CTXN2: variants seen among roughly 807,000 people sequenced by gnomAD.
CTXN2 encodes cortexin 2.
A neutral mutation model predicts 5.7 loss-of-function variants in CTXN2; 3 were observed. That is an observed-to-expected ratio of 0.53 (90% CI 0.24 to 1.36). The LOEUF is 1.36. Ranked by LOEUF, CTXN2 falls within the 40% of genes most tolerant of loss-of-function variation. The pLI, the probability that CTXN2 is intolerant of heterozygous loss-of-function variation, is 0.17. For synonymous variants in CTXN2, 38 were observed against 36.4 expected, an observed-to-expected ratio of 1.04 and a Z score of -0.16; for missense variants, 87 against 93.0, an observed-to-expected ratio of 0.94 and a Z score of 0.26.
chr15:48,188,065 C>T (rs1312806660), upstream of CTXN2, among the ~76,000 whole-genome samples: 1 of 151,934 alleles, frequency 6.6e-6, no homozygotes, highest in Non-Finnish European at 1.5e-5. Context: ...TATACACTCA[C>T]CCAATAATCA....
At chr15:48,180,131 A>T (rs534520572) in intron 1 of CTXN2, among the ~76,000 whole-genome samples, 1 of 152,350 alleles carries the variant, frequency 6.6e-6, no homozygotes, top group African/African-American at 2.4e-5. Context: ...AGACTGGCCC[A>T]CATGCCTTAG....
intron 1 of CTXN2, chr15:48,192,149 T>G (rs1334563403): frequency 4.6e-6 from 1 of 216,236 alleles, no homozygotes; most frequent in Non-Finnish European, 9.5e-6. Flanking sequence ...TGTAGGAAGT[T>G]TCCATGCTTC....
chr15:48,194,729 G>C (rs1252850136), intron 1 of CTXN2, among the ~76,000 whole-genome samples: 1 of 151,930 alleles, frequency 6.6e-6, no homozygotes, highest in Non-Finnish European at 1.5e-5. Context: ...ATCTTTTCTG[G>C]TAACAGAAAA....
In CTXN2 at chr15:48,201,253, T is replaced by C. The variant is rs775392427; in HGVS notation, c.-48T>C. 97 of 1,543,202 alleles carry C rather than the reference T, an allele frequency of 6.3e-5. No individual in the cohort carries two copies. In the African/African-American group the frequency reaches 1.3e-3, roughly 20 times the overall value. On this transcript the variant is annotated 5_prime_UTR_variant, in exon 2 of 2. Transcript: ENST00000417307. The stretch of plus-strand genomic sequence containing the variant: ...CCAATTTTGTACCTAGGCAAAGAGT[T>C]GATTCCAGAAGGAACTGTGAAGAGC...
At chr15:48,190,498 T>A (rs2040805731), upstream of CTXN2, among the ~76,000 whole-genome samples, 1 of 152,066 alleles carries the variant, frequency 6.6e-6, no homozygotes, top group African/African-American at 2.4e-5. Context: ...CATTGCCCAT[T>A]TTTTTGTAAG....
chr15:48,194,130 T>C (rs1364707439), intron 1 of CTXN2, among the ~76,000 whole-genome samples: 2 of 152,122 alleles, frequency 1.3e-5, no homozygotes, highest in Admixed American at 6.6e-5. Flanking sequence ...TTTTCATCTT[T>C]AGTATAAAGT....
At chr15:48,184,723 G>A (rs2040731609) in intron 1 of CTXN2, among the ~76,000 whole-genome samples, 2 of 152,258 alleles carry the variant, frequency 1.3e-5, no homozygotes, top group South Asian at 4.1e-4. Context: ...AGCCACTTTG[G>A]AAGACAGTAT....
At chr15:48,190,697 G>T (rs949400193), upstream of CTXN2, among the ~76,000 whole-genome samples, 1 of 152,138 alleles carries the variant, frequency 6.6e-6, no homozygotes, top group East Asian at 1.9e-4. Flanking sequence ...AATTAAGATT[G>T]TAGGGAATCT....
chr15:48,185,667 T>C (rs1371834692), intron 1 of CTXN2, among the ~76,000 whole-genome samples: 2 of 152,110 alleles, frequency 1.3e-5, no homozygotes, highest in Admixed American at 1.3e-4. Context: ...GAAAGAATGA[T>C]GGAATAAATA....
At position 48,202,623 on chromosome 15, in the gene CTXN2, T is replaced by C. The variant is rs1758772710; in HGVS notation, c.*1077T>C. 6.0e-6 allele frequency: 1 copy of C among 167,002 alleles called. No homozygotes were observed. The allele number at this position is 167,002 out of a possible 1,614,324, so 10.3% of individuals were successfully genotyped here. ...TCTTCAGCAATATTGAGAGGGCCAA[T>C]TAGATATAATGAATGTGAAAGCATT... is the stretch of plus-strand genomic sequence containing the variant. On this transcript the variant is annotated 3_prime_UTR_variant, in exon 2 of 2. Transcript: ENST00000417307.
upstream of CTXN2, chr15:48,191,164 T>C (rs1407534437): frequency 6.5e-6 from 1 of 152,910 alleles, no homozygotes; most frequent in Admixed American, 6.5e-5. Context: ...GTTAAATCAA[T>C]ACACCTTTCA....
At chr15:48,194,052 C>G (rs967725954) in intron 1 of CTXN2, among the ~76,000 whole-genome samples, 2 of 152,096 alleles carry the variant, frequency 1.3e-5, no homozygotes, top group African/African-American at 4.8e-5. Context: ...CAGCCTGCAG[C>G]AATGGACAAA....
At chr15:48,187,057 G>A (rs2040764322), upstream of CTXN2, among the ~76,000 whole-genome samples, 1 of 151,788 alleles carries the variant, frequency 6.6e-6, no homozygotes, top group Non-Finnish European at 1.5e-5. Flanking sequence ...TGAACTTCCA[G>A]AGATCCATGA....
chr15:48,186,199 C>T (rs2040752815), intron 1 of CTXN2, among the ~76,000 whole-genome samples: 2 of 152,078 alleles, frequency 1.3e-5, no homozygotes, highest in Admixed American at 1.3e-4. Flanking sequence ...CAACTGAAGG[C>T]TTATGGGCAG....
intron 1 of CTXN2, among the ~76,000 whole-genome samples, chr15:48,193,916 A>C (rs1229503433): frequency 6.6e-6 from 1 of 152,110 alleles, no homozygotes; most frequent in Non-Finnish European, 1.5e-5. Context: ...TGTTTGAAAA[A>C]TTTAGGCCTG....
At position 48,201,739 on chromosome 15, in the gene CTXN2, T is replaced by A; in HGVS notation, c.*193T>A. Reference sequence around the variant, plus strand: ...ATTCCTCACTTTCCTCTGTTCCCACTTAGAGGTTTCCAATGAATAGAGCAT... The same window carrying A: ...ATTCCTCACTTTCCTCTGTTCCCACATAGAGGTTTCCAATGAATAGAGCAT... On this transcript the variant is annotated 3_prime_UTR_variant, in exon 2 of 2. Coordinates refer to ENST00000417307, the MANE Select transcript of CTXN2 (RefSeq NM_001145668.2). 1.6e-6 allele frequency: 1 copy of A among 627,294 alleles called. No individual in the cohort carries two copies. The highest frequency in any genetic ancestry group is 2.9e-5 in the East Asian group (1 of 34,848). 38.9% of individuals were successfully genotyped at this position (627,294 alleles called of 1,614,324 possible).
At chr15:48,199,567 A>G (rs1284185381) in intron 1 of CTXN2, among the ~76,000 whole-genome samples, 1 of 152,220 alleles carries the variant, frequency 6.6e-6, no homozygotes. Context: ...CATTAAATAA[A>G]TGATCCAGTG....
At chr15:48,193,803 C>G (rs1050877808) in intron 1 of CTXN2, among the ~76,000 whole-genome samples, 1 of 152,022 alleles carries the variant, frequency 6.6e-6, no homozygotes, top group African/African-American at 2.4e-5. Context: ...AAAAGCAGGA[C>G]TTGGCACACT....
At chr15:48,180,878 G>A (rs1250553587) in intron 1 of CTXN2, among the ~76,000 whole-genome samples, 1 of 152,126 alleles carries the variant, frequency 6.6e-6, no homozygotes, top group East Asian at 1.9e-4. Flanking sequence ...CTTAAGTGAT[G>A]CTCAAATTCT....
Sources: gnomAD v4.1 joint callset for allele counts (sites outside exome capture counted in the v4.1 genomes callset) on GRCh38, gnomAD v4.1.1 for gene constraint, MANE v1.5 for transcripts, NCBI Gene and HGNC (gene_info 2026-07-23, HGNC 2026-07-21) for gene names.